The following PDE1A variants were observed in gnomAD, a reference collection of about 807,000 sequenced individuals.
PDE1A encodes the protein dual specificity calcium/calmodulin-dependent 3',5'-cyclic nucleotide phosphodiesterase 1A.
PDE1A carries 35 observed loss-of-function variants against 61.7 expected under a neutral mutation model. The ratio of observed to expected loss-of-function variants is 0.57; its 90% CI spans 0.43 to 0.75. The LOEUF (loss-of-function observed/expected upper bound fraction) is 0.75. PDE1A is among the 30% of genes least tolerant of loss of function. The pLI, the probability that PDE1A is intolerant of heterozygous loss-of-function variation, is 0.00. For synonymous variants in PDE1A, 232 were observed against 213.2 expected, an observed-to-expected ratio of 1.09 and a Z score of -0.77; for missense variants, 597 against 630.6, an observed-to-expected ratio of 0.95 and a Z score of 0.57.
chr2:182,269,391 G>A (rs943405661), intron 1 of PDE1A, among the ~76,000 whole-genome samples: 2 of 151,934 alleles, frequency 1.3e-5, no homozygotes, highest in African/African-American at 4.8e-5. Context: ...AGGAGGCTGA[G>A]GCAGAAGAAT....
At chr2:182,698,737 G>GA in the PDE1A span, among the ~76,000 whole-genome samples, 46 of 151,870 alleles carry the variant, frequency 3.0e-4, no homozygotes, top group African/African-American at 1.1e-3. Context: ...TATTCTTATG[G>GA]AAAAAATATT....
At chr2:182,392,989 G>A (rs910699946) in intron 1 of PDE1A, among the ~76,000 whole-genome samples, 7 of 152,224 alleles carry the variant, frequency 4.6e-5, no homozygotes, top group African/African-American at 1.7e-4. Context: ...CTACCATTCT[G>A]GGGTCTGGAG....
the PDE1A span, among the ~76,000 whole-genome samples, chr2:182,620,214 A>C: frequency 2.0e-5 from 3 of 152,106 alleles, no homozygotes; most frequent in African/African-American, 7.2e-5. Context: ...TAATTGAGTC[A>C]ATTTGAGCCT....
chr2:182,498,710 C>T (rs1688879155), intron 2 of PDE1A, among the ~76,000 whole-genome samples: 1 of 151,852 alleles, frequency 6.6e-6, no homozygotes, highest in Non-Finnish European at 1.5e-5. Context: ...TTTGGGAGGT[C>T]GAGGCAGGCA....
chr2:182,228,584 A>ACCTATC (rs1234039644), intron 6 of PDE1A, among the ~76,000 whole-genome samples: 1 of 152,130 alleles, frequency 6.6e-6, no homozygotes, highest in African/African-American at 2.4e-5. Context: ...TTTAATAGTC[A>ACCTATC]CCTATCACTA....
chr2:182,536,925 A>G, the PDE1A span, among the ~76,000 whole-genome samples: 2 of 152,166 alleles, frequency 1.3e-5, no homozygotes, highest in African/African-American at 2.4e-5. Context: ...ATGACTAAGG[A>G]GACCCACGTG....
chr2:182,709,325 C>T, the PDE1A span, among the ~76,000 whole-genome samples: 25,310 of 152,058 alleles, frequency 0.17, 4,684 homozygotes, highest in African/African-American at 0.46. Flanking sequence ...CTACTCCCAC[C>T]GGGCCAGACA....
intron 2 of PDE1A, among the ~76,000 whole-genome samples, chr2:182,507,624 G>C (rs1479703422): frequency 6.6e-6 from 1 of 152,108 alleles, no homozygotes; most frequent in African/African-American, 2.4e-5. Context: ...GATTAGTCAA[G>C]AGAATGGATA....
At chr2:182,626,712 T>G in the PDE1A span, among the ~76,000 whole-genome samples, 2 of 105,804 alleles carry the variant, frequency 1.9e-5, no homozygotes, top group African/African-American at 3.6e-5. Flanking sequence ...AAAGAACAAA[T>G]GGCTTTATAT....
At chr2:182,650,253 T>A in the PDE1A span, among the ~76,000 whole-genome samples, 2 of 152,162 alleles carry the variant, frequency 1.3e-5, no homozygotes, top group East Asian at 1.9e-4. Context: ...TAGAATGCAA[T>A]CACTGAAATG....
At chr2:182,585,759 G>A in the PDE1A span, among the ~76,000 whole-genome samples, 1 of 152,100 alleles carries the variant, frequency 6.6e-6, no homozygotes, top group Non-Finnish European at 1.5e-5. Flanking sequence ...TGTTCCCATA[G>A]ATACAGTAAG....
At chr2:182,325,140 G>C (rs185645500) in intron 1 of PDE1A, among the ~76,000 whole-genome samples, 2 of 152,246 alleles carry the variant, frequency 1.3e-5, no homozygotes, top group East Asian at 3.9e-4. Flanking sequence ...AATAAATTCA[G>C]GCCATGCTGA....
intron 2 of PDE1A, among the ~76,000 whole-genome samples, chr2:182,442,898 A>G (rs1684884102): frequency 6.6e-6 from 1 of 152,158 alleles, no homozygotes; most frequent in Middle Eastern, 3.4e-3. Flanking sequence ...AAGGTTAACA[A>G]CTCTGGGAGA....
chr2:182,678,060 G>A, the PDE1A span, among the ~76,000 whole-genome samples: 2 of 152,218 alleles, frequency 1.3e-5, no homozygotes, highest in South Asian at 4.1e-4. Flanking sequence ...GCAAGAATGA[G>A]AGAAGGAAAA....
chr2:182,193,709 G>T (rs1466842169), intron 10 of PDE1A, among the ~76,000 whole-genome samples: 3 of 151,964 alleles, frequency 2.0e-5, no homozygotes, highest in Non-Finnish European at 4.4e-5. Flanking sequence ...GTAAAATATT[G>T]GTCTGATATA....
At chr2:182,676,154 G>T in the PDE1A span, among the ~76,000 whole-genome samples, 1 of 152,108 alleles carries the variant, frequency 6.6e-6, no homozygotes. Flanking sequence ...CCAGGAGTTG[G>T]CTTTTTGAAA....
rs533913379 is a variant in PDE1A, at chr2:182,292,005, C to T, written c.54-27591G>A. On this transcript the variant is annotated intron_variant, in intron 1 of 13. Coordinates refer to ENST00000351439, the Ensembl canonical transcript of PDE1A. ...CTGTTACTTGTAGTTTAAAAAATGA[C>T]GTATTTCTTGGTTTTAAAAAAGAAG... is the stretch of plus-strand genomic sequence containing the variant. Among the ~76,000 whole-genome samples the T allele has an allele frequency of 2.6e-4, 39 of 151,928 alleles. No individual in the cohort carries two copies. The South Asian group carries it at 4.8e-3, about 19-fold the overall frequency.
chr2:182,254,144 G>T (rs1436393616), intron 2 of PDE1A, among the ~76,000 whole-genome samples: 1 of 152,082 alleles, frequency 6.6e-6, no homozygotes, highest in East Asian at 1.9e-4. Flanking sequence ...AAAAGATCTG[G>T]TCAGGTTTTT....
intron 1 of PDE1A, 99 bp from the exon 2 acceptor site, chr2:182,264,513 A>G (rs1574191644): frequency 1.3e-6 from 1 of 790,856 alleles, no homozygotes; most frequent in South Asian, 2.0e-5. Flanking sequence ...AAGATTTTTA[A>G]CATAGCTATT....
Sources: allele counts gnomAD v4.1 joint callset (sites outside exome capture counted in the v4.1 genomes callset), GRCh38; gene constraint gnomAD v4.1.1; transcripts MANE v1.5; gene names NCBI Gene and HGNC (gene_info 2026-07-23, HGNC 2026-07-21).